The following BOLL variants were observed in gnomAD, a reference collection of about 807,000 sequenced individuals.
BOLL encodes the protein boule RNA binding protein.
BOLL carries 23 observed loss-of-function variants against 44.4 expected under a neutral mutation model. The observed-to-expected ratio is 0.52, with a 90% confidence interval of 0.37 to 0.73. The LOEUF (loss-of-function observed/expected upper bound fraction) is 0.73, where lower values mean the gene tolerates loss of function less well. Among genes scored for constraint, BOLL ranks in the 30% least tolerant of loss-of-function variants. The probability of loss-of-function intolerance (pLI) is 0.00; values close to 1 mark genes in which losing one functional copy is unlikely to be tolerated. For missense variants in BOLL, 287 were observed against 338.3 expected, an observed-to-expected ratio of 0.85 and a Z score of 1.19; for synonymous variants, 97 against 110.8, an observed-to-expected ratio of 0.88 and a Z score of 0.78.
In BOLL at chr2:197,771,880, A is replaced by G; in HGVS notation, c.455T>C (p.Val152Ala). Residue 152 changes from valine (V) to alanine (A), a missense_variant, in exon 6 of 11, where the codon GTA (valine) becomes GCA (alanine). Physicochemically the swap from Val to Ala is moderately conservative, Grantham distance 64. Coordinates refer to ENST00000392296, the MANE Select transcript of BOLL (RefSeq NM_033030.6). ...AGGCCAAGGCGGTGGGACCGAAGTT[A>G]CCTCTGGAGTATGAAAATAAGCAAC... is the stretch of plus-strand genomic sequence containing the variant. The part of the protein sequence containing the change: ...NGVAYFHTPE[V>A]TSVPPPWPSR... 6 of 1,593,912 alleles carry G rather than the reference A, an allele frequency of 3.8e-6. No individual in the cohort carries two copies. Among genetic ancestry groups the G allele is most frequent in the Non-Finnish European group, 5.1e-6 (6 of 1,171,324 alleles).
At chr2:197,771,269 G>A (rs62277884) in intron 6 of BOLL, among the ~76,000 whole-genome samples, 1,746 of 148,808 alleles carry the variant, frequency 0.012, 22 homozygotes, top group Middle Eastern at 0.031. Context: ...ACACCATATG[G>A]TCTCACTCAT....
chr2:197,732,514 G>T (rs935623122), intron 10 of BOLL, among the ~76,000 whole-genome samples: 1 of 151,938 alleles, frequency 6.6e-6, no homozygotes, highest in Non-Finnish European at 1.5e-5. Context: ...CAAAAAAAGA[G>T]AATTTTAGAC....
intron 2 of BOLL, 42 bp downstream of exon 2, chr2:197,781,680 T>C: frequency 1.4e-6 from 2 of 1,421,926 alleles, no homozygotes; most frequent in Non-Finnish European, 1.9e-6. Context: ...AATAAAGACT[T>C]CTAATGAAAA....
upstream of BOLL, among the ~76,000 whole-genome samples, chr2:197,785,521 C>G (rs1690035763): frequency 6.6e-6 from 1 of 152,150 alleles, no homozygotes; most frequent in Non-Finnish European, 1.5e-5. The surrounding 1 kb of genome is among the most constrained non-coding windows in gnomAD (Gnocchi z 6.7). Flanking sequence ...CCTGCCAGGT[C>G]TCTCAGACCT....
In BOLL at chr2:197,764,981, C is replaced by T. The variant is rs144690314; in HGVS notation, c.552+1551G>A. Among the ~76,000 whole-genome samples, 895 of 151,900 alleles carry T rather than the reference C, an allele frequency of 5.9e-3. 12 individuals carry two copies. Among genetic ancestry groups the T allele is most frequent in the African/African-American group, 0.021 (853 of 41,440 alleles). ...TGTTACAAAAAAAAAAAGTTGATCT[C>T]ATAGAAGTAAAAAGAATACTAGGGG... On this transcript the variant is annotated intron_variant, in intron 7 of 10. Coordinates refer to ENST00000392296, the MANE Select transcript of BOLL (RefSeq NM_033030.6).
chr2:197,761,668 A>C (rs1393452661), intron 7 of BOLL, among the ~76,000 whole-genome samples: 1 of 152,200 alleles, frequency 6.6e-6, no homozygotes, highest in Non-Finnish European at 1.5e-5. Flanking sequence ...AGCTGAATAT[A>C]TTAAAAAAAG....
intron 1 of BOLL, 113 bp from the exon 2 acceptor site, chr2:197,781,978 G>C: frequency 1.2e-6 from 1 of 850,622 alleles, no homozygotes; most frequent in Middle Eastern, 3.0e-4. Flanking sequence ...GCAAAATATA[G>C]TATTCTAGGC....
chr2:197,735,787 G>C (rs2106316959), intron 10 of BOLL, among the ~76,000 whole-genome samples: 2 of 152,266 alleles, frequency 1.3e-5, no homozygotes, highest in Admixed American at 1.3e-4. Flanking sequence ...CTGTTTCGGA[G>C]AGGATATTAA....
chr2:197,785,435 C>T (rs1574878379), upstream of BOLL: 1 of 954,246 alleles, frequency 1.0e-6, no homozygotes, highest in East Asian at 1.2e-4. The surrounding 1 kb of genome is among the most constrained non-coding windows in gnomAD (Gnocchi z 6.7). Context: ...CCTTCACTTC[C>T]CCAAGTCCAC....
At chr2:197,779,166 T>G in intron 2 of BOLL, 100 bp from the exon 3 acceptor site, 1 of 837,318 alleles carries the variant, frequency 1.2e-6, no homozygotes, top group Non-Finnish European at 1.8e-6. Context: ...ATAGATAAGA[T>G]GCATGAAAAA....
chr2:197,734,996 T>A (rs918532462), intron 10 of BOLL, among the ~76,000 whole-genome samples: 1 of 152,208 alleles, frequency 6.6e-6, no homozygotes, highest in East Asian at 1.9e-4. Context: ...AAAGTCTGCA[T>A]AATGAAAAAT....
chr2:197,754,250 C>T (rs887706971), intron 9 of BOLL, among the ~76,000 whole-genome samples: 3 of 152,008 alleles, frequency 2.0e-5, no homozygotes, highest in South Asian at 2.1e-4. Flanking sequence ...CAAACCTGCA[C>T]GTTCTGCATA....
At chr2:197,762,266 C>A (rs1688794210) in intron 7 of BOLL, among the ~76,000 whole-genome samples, 1 of 152,256 alleles carries the variant, frequency 6.6e-6, no homozygotes, top group Admixed American at 6.5e-5. Context: ...ATTGCTTGAA[C>A]CTGGGAGGCG....
chr2:197,781,261 A>G (rs1421060016), intron 2 of BOLL, among the ~76,000 whole-genome samples: 1 of 152,184 alleles, frequency 6.6e-6, no homozygotes, highest in Non-Finnish European at 1.5e-5. Context: ...TGCAAAGAAT[A>G]GATGCCTAGG....
chr2:197,784,757 A>C (rs1469926472), intron 1 of BOLL: 4 of 987,486 alleles, frequency 4.1e-6, no homozygotes, highest in Non-Finnish European at 4.8e-6. Context: ...AGCAATAGCA[A>C]GGCTCAGGTG....
intron 6 of BOLL, among the ~76,000 whole-genome samples, chr2:197,767,047 G>T (rs1244439058): frequency 6.6e-6 from 1 of 151,808 alleles, no homozygotes; most frequent in Non-Finnish European, 1.5e-5. Context: ...AATAATCAAT[G>T]TTCTATTCCT....
At chr2:197,755,104 T>C (rs1264197825) in intron 9 of BOLL, among the ~76,000 whole-genome samples, 2 of 152,122 alleles carry the variant, frequency 1.3e-5, no homozygotes, top group Non-Finnish European at 2.9e-5. Flanking sequence ...AACAGACACT[T>C]CTCAAAAGAA....
chr2:197,764,219 C>A lies in BOLL; in HGVS notation c.552+2313G>T, dbSNP rs549685165. Among the ~76,000 whole-genome samples, 8 of 152,256 alleles carry A rather than the reference C, an allele frequency of 5.3e-5. No homozygotes were observed. The East Asian group carries it at 1.4e-3, about 26-fold the overall frequency. On this transcript the variant is annotated intron_variant, in intron 7 of 10. Coordinates refer to ENST00000392296, the MANE Select transcript of BOLL (RefSeq NM_033030.6). Reference sequence around the variant, plus strand: ...TTTGGAGAAAAGGAAATCATTGTATCAGAGAGACATCTGCACCCCCATGTT... The same window carrying A: ...TTTGGAGAAAAGGAAATCATTGTATAAGAGAGACATCTGCACCCCCATGTT...
rs1158717689 is a variant in BOLL at position 197,785,256 on chromosome 2, C to T, written c.-216G>A. ...CAGCGAGAAATTTTGCCCCACAAAT[C>T]CGCCAGCAGCAGTGGCGGGAAGCCT... On this transcript the variant is annotated 5_prime_UTR_variant, in exon 1 of 11. Transcript: ENST00000392296. The surrounding 1 kb of genome is among the most constrained non-coding windows in gnomAD (Gnocchi z 6.7). 2 of 985,836 alleles carry T rather than the reference C, an allele frequency of 2.0e-6. No homozygotes were observed. Among genetic ancestry groups the T allele is most frequent in the Non-Finnish European group, 2.4e-6 (2 of 829,926 alleles). 61.1% of individuals were successfully genotyped at this position (985,836 alleles called of 1,614,324 possible). A position where few individuals can be genotyped will look rare whatever the true frequency, so the allele number is the denominator to read the frequency against.
Sources: gnomAD v4.1 joint callset for allele counts (sites outside exome capture counted in the v4.1 genomes callset) on GRCh38, gnomAD v4.1.1 for gene constraint, Gnocchi (gnomAD v3.1) non-coding constraint, MANE v1.5 for transcripts, NCBI Gene and HGNC (gene_info 2026-07-23, HGNC 2026-07-21) for gene names.